Variants in ME3 observed in about 807,000 individuals in gnomAD.
ME3 encodes malic enzyme 3, also known as NADP-dependent malic enzyme, mitochondrial.
In ME3, 48 loss-of-function variants were observed where a neutral mutation model predicts 68.9. That is an observed-to-expected ratio of 0.70 (90% CI 0.55 to 0.89). The LOEUF is 0.89. ME3 is among the 40% of genes least tolerant of loss of function. The pLI, the probability that ME3 is intolerant of heterozygous loss-of-function variation, is 0.00. For missense variants in ME3, 675 were observed against 797.4 expected (o/e 0.85, Z 1.85); for synonymous variants, 320 against 318.8 (o/e 1.00, Z -0.04).
intron 7 of ME3, 61 bp from the exon 8 acceptor site, chr11:86,465,261 C>G: frequency 7.7e-7 from 1 of 1,304,630 alleles, no homozygotes; most frequent in South Asian, 1.2e-5. Context: ...CCTGACAGAT[C>G]CCAGCTTGCA....
downstream of ME3, among the ~76,000 whole-genome samples, chr11:86,439,223 C>T (rs1400757995): frequency 7.2e-5 from 11 of 152,132 alleles, no homozygotes; most frequent in Admixed American, 5.9e-4. Context: ...CCTGTGGTGC[C>T]GTAAAATTAA....
chr11:86,611,075 A>C (rs1447303054), intron 2 of ME3, among the ~76,000 whole-genome samples: 1 of 152,228 alleles, frequency 6.6e-6, no homozygotes, highest in Non-Finnish European at 1.5e-5. Flanking sequence ...AAAGAGTGAG[A>C]GAAATCTTGC....
At chr11:86,453,031 C>T (rs1296993235) in intron 8 of ME3, among the ~76,000 whole-genome samples, 1 of 152,068 alleles carries the variant, frequency 6.6e-6, no homozygotes, top group Admixed American at 6.6e-5. Context: ...CAGAATCTCA[C>T]TCGGTCGCCC....
rs151095934 is a variant in ME3 at position 86,566,333 on chromosome 11, C to T, written c.184-6510G>A. 1.2e-4 allele frequency among the ~76,000 whole-genome samples: 18 copies of T among 152,268 alleles called. No individual in the cohort carries two copies. The South Asian group carries it at 1.7e-3, about 14-fold the overall frequency. The stretch of plus-strand genomic sequence containing the variant: ...TGAAGAAAACTGTGCAGGTGATAAA[C>T]GAGACCTCGATTATGCTGTTGACAG... On this transcript the variant is annotated intron_variant, in intron 2 of 14. Coordinates refer to ENST00000543262, the Ensembl canonical transcript of ME3.
intron 7 of ME3, among the ~76,000 whole-genome samples, chr11:86,465,936 T>G (rs182235901): frequency 3.9e-4 from 60 of 152,292 alleles, no homozygotes; most frequent in Non-Finnish European, 7.1e-4. Context: ...CCCCAGATGG[T>G]TCTGATTCTG....
At chr11:86,565,305 G>A (rs1289452363) in intron 2 of ME3, among the ~76,000 whole-genome samples, 13 of 152,184 alleles carry the variant, frequency 8.5e-5, no homozygotes, top group Non-Finnish European at 1.6e-4. Flanking sequence ...ATTACAGCCT[G>A]TATGGAAAGC....
chr11:86,515,364 C>T (rs935360495), intron 4 of ME3, among the ~76,000 whole-genome samples: 1 of 152,146 alleles, frequency 6.6e-6, no homozygotes, highest in South Asian at 2.1e-4. Context: ...CATCATTTTA[C>T]AGATGAGATT....
intron 2 of ME3, among the ~76,000 whole-genome samples, chr11:86,647,849 G>A (rs371677448): frequency 2.6e-5 from 4 of 152,090 alleles, no homozygotes; most frequent in African/African-American, 7.2e-5. Context: ...ACAGATCAAC[G>A]AGACATAAAA....
At chr11:86,671,912 C>T (rs1946976178) in exon 2 of ME3, 1 of 1,445,916 alleles carries the variant, frequency 6.9e-7, no homozygotes, top group South Asian at 1.5e-5. Context: ...GCCAGGGAGC[C>T]AGCCGCGTGC....
chr11:86,557,580 G>C (rs1306367809), intron 3 of ME3, among the ~76,000 whole-genome samples: 1 of 152,152 alleles, frequency 6.6e-6, no homozygotes, highest in Non-Finnish European at 1.5e-5. Context: ...CTGTTTATTA[G>C]CTGTGTGAAC....
rs534346190 is a variant in ME3, at chr11:86,555,370, A to G, written c.467+1183T>C. 6.6e-5 allele frequency among the ~76,000 whole-genome samples: 10 copies of G among 152,338 alleles called. No individual in the cohort carries two copies. The South Asian group carries it at 2.1e-3, about 32-fold the overall frequency. ...GTCCTGCATCCTTCAGAAATGTACC[A>G]TCAGCTCCTAATGTCTCTACCACTA... On this transcript the variant is annotated intron_variant, in intron 4 of 14. Transcript: ENST00000543262.
exon 10 of ME3, chr11:86,449,970 C>T (rs1168829802): frequency 1.2e-6 from 2 of 1,614,048 alleles, no homozygotes; most frequent in Non-Finnish European, 1.7e-6. Context: ...TCTCTAGGGC[C>T]ATGACAAGGA....
At chr11:86,517,610 A>T (rs141767897) in intron 4 of ME3, among the ~76,000 whole-genome samples, 53 of 152,284 alleles carry the variant, frequency 3.5e-4, no homozygotes, top group African/African-American at 1.2e-3. Context: ...ACTGCTTTTC[A>T]TCTCAGCATC....
exon 4 of ME3, chr11:86,556,621 C>T (rs909707766): frequency 1.2e-6 from 2 of 1,614,150 alleles, no homozygotes; most frequent in Middle Eastern, 1.6e-4. Context: ...ACACGATTGG[C>T]ATGAACTTCT....
chr11:86,487,042 C>A (rs1951734356), intron 7 of ME3, among the ~76,000 whole-genome samples: 6 of 152,182 alleles, frequency 3.9e-5, no homozygotes, highest in African/African-American at 1.2e-4. Context: ...CTAAACAGCT[C>A]AGGCCAAGGG....
intron 4 of ME3, among the ~76,000 whole-genome samples, chr11:86,540,537 A>G (rs1955979032): frequency 6.6e-6 from 1 of 152,190 alleles, no homozygotes; most frequent in Non-Finnish European, 1.5e-5. Context: ...AAACAAAACC[A>G]GTCATTCCTA....
chr11:86,626,540 A>G (rs567627797), intron 2 of ME3, among the ~76,000 whole-genome samples: 1 of 152,322 alleles, frequency 6.6e-6, no homozygotes. Context: ...CTGCCTTTTA[A>G]TAATTCCAAC....
intron 5 of ME3, among the ~76,000 whole-genome samples, chr11:86,504,975 G>A (rs1952975385): frequency 6.6e-6 from 1 of 152,214 alleles, no homozygotes; most frequent in Non-Finnish European, 1.5e-5. Context: ...ACAGGCGTGA[G>A]CCACCATGCA....
chr11:86,450,805 A>G (rs1949586423), intron 8 of ME3, among the ~76,000 whole-genome samples: 1 of 152,238 alleles, frequency 6.6e-6, no homozygotes, highest in African/African-American at 2.4e-5. Context: ...TTAAATGACC[A>G]TATGGCCTGA....
Sources: allele counts gnomAD v4.1 joint callset (sites outside exome capture counted in the v4.1 genomes callset), GRCh38; gene constraint gnomAD v4.1.1; transcripts MANE v1.5; gene names NCBI Gene and HGNC (gene_info 2026-07-23, HGNC 2026-07-21).